The following SIRT4 variants were observed in gnomAD, a reference collection of about 807,000 sequenced individuals.
The protein encoded by SIRT4 is sirtuin 4.
SIRT4 carries 23 observed loss-of-function variants against 26.1 expected under a neutral mutation model. The observed-to-expected ratio is 0.88, with a 90% CI of 0.63 to 1.25. The LOEUF is 1.25. SIRT4 is among the 50% of genes most tolerant of loss of function. The pLI is 0.00. For synonymous variants in SIRT4, 155 were observed against 158.4 expected, an observed-to-expected ratio of 0.98 and a Z score of 0.16; for missense variants, 361 against 405.4, an observed-to-expected ratio of 0.89 and a Z score of 0.94.
chr12:120,307,782 C>G (rs1463298378), intron 2 of SIRT4, among the ~76,000 whole-genome samples: 2 of 150,598 alleles, frequency 1.3e-5, no homozygotes. Flanking sequence ...CATTTGAACC[C>G]GGGAGGCAGA....
chr12:120,311,390 A>G (rs1346353070), intron 2 of SIRT4, among the ~76,000 whole-genome samples: 2 of 151,164 alleles, frequency 1.3e-5, no homozygotes, highest in Non-Finnish European at 2.9e-5. Flanking sequence ...AAATAAAAAC[A>G]GACACAAAGT....
chr12:120,304,491 A>C (rs1872664486), intron 2 of SIRT4, among the ~76,000 whole-genome samples: 1 of 151,882 alleles, frequency 6.6e-6, no homozygotes, highest in South Asian at 2.1e-4. Flanking sequence ...TTCTACTAAA[A>C]ATACAAAAAT....
At chr12:120,293,066 G>GC in the SIRT4 span, 3 of 124,598 alleles carry the variant, frequency 2.4e-5, no homozygotes, top group Non-Finnish European at 5.2e-5. Context: ...CACAAAAAAA[G>GC]CCTCTGTTGT....
upstream of SIRT4, among the ~76,000 whole-genome samples, chr12:120,298,918 A>AATAAATAAATAT: frequency 1.4e-5 from 2 of 143,188 alleles, 1 homozygote; most frequent in East Asian, 4.1e-4. Flanking sequence ...AAAATAAATA[A>AATAAATAAATAT]ATAAATAAAT....
the SIRT4 span, among the ~76,000 whole-genome samples, chr12:120,295,770 C>T: frequency 6.6e-6 from 1 of 151,740 alleles, no homozygotes; most frequent in Non-Finnish European, 1.5e-5. Context: ...TAGAAACCTA[C>T]ATCTGGTCTA....
At chr12:120,301,878 A>G (rs1872561962), upstream of SIRT4, among the ~76,000 whole-genome samples, 1 of 152,140 alleles carries the variant, frequency 6.6e-6, no homozygotes, top group Non-Finnish European at 1.5e-5. Flanking sequence ...GTTCAAGACG[A>G]GCCTGGCCAA....
At chr12:120,292,862 A>C in the SIRT4 span, among the ~76,000 whole-genome samples, 428 of 152,322 alleles carry the variant, frequency 2.8e-3, 15 homozygotes, top group East Asian at 0.075. Flanking sequence ...AGAAAAGTCA[A>C]CACCGCCCTG....
chr12:120,301,963 G>T (rs188112865), upstream of SIRT4, among the ~76,000 whole-genome samples: 1 of 149,604 alleles, frequency 6.7e-6, no homozygotes, highest in Non-Finnish European at 1.5e-5. Flanking sequence ...CAGGAGAATC[G>T]GTTGAACCCG....
At chr12:120,297,657 G>C (rs1872381024), upstream of SIRT4, among the ~76,000 whole-genome samples, 1 of 152,148 alleles carries the variant, frequency 6.6e-6, no homozygotes, top group Admixed American at 6.6e-5. Context: ...CTTTTCCTCA[G>C]AGCATGAGAT....
Position 120,305,880 on chromosome 12 carries a change from C to T in SIRT4, c.497+1822C>T, listed in dbSNP as rs530851765. On this transcript the variant is annotated intron_variant, in intron 2 of 3. Coordinates refer to ENST00000202967, the MANE Select transcript of SIRT4 (RefSeq NM_012240.3). ...ACAAAAAATTAGCTGGGCGCGGTGG[C>T]GGACGCCTGTAGTCCCAGCTACTCG... 9.9e-5 allele frequency among the ~76,000 whole-genome samples: 15 copies of T among 152,042 alleles called. No homozygotes were observed. The East Asian group carries it at 2.3e-3, about 24-fold the overall frequency.
At chr12:120,312,382 G>C in intron 2 of SIRT4, 74 bp from the exon 3 acceptor site, 1 of 1,394,952 alleles carries the variant, frequency 7.2e-7, no homozygotes, top group Non-Finnish European at 9.8e-7. Context: ...GAAAATGGTT[G>C]GAGATGAAAC....
At chr12:120,308,105 C>T (rs1156739579) in intron 2 of SIRT4, among the ~76,000 whole-genome samples, 2 of 151,392 alleles carry the variant, frequency 1.3e-5, no homozygotes, top group East Asian at 3.9e-4. Flanking sequence ...CCTCCTCCTG[C>T]CTTGATCTTC....
upstream of SIRT4, among the ~76,000 whole-genome samples, chr12:120,301,090 T>C (rs2136824703): frequency 6.6e-6 from 1 of 152,360 alleles, no homozygotes. Flanking sequence ...CTTACGCCTG[T>C]AATCCCAGTA....
At chr12:120,303,480 A>G (rs1206458055) in intron 1 of SIRT4, 81 bp from the exon 2 acceptor site, 20 of 1,489,124 alleles carry the variant, frequency 1.3e-5, no homozygotes, top group Non-Finnish European at 1.7e-5. Context: ...GTCTCAAAAA[A>G]CAAAACGAAA....
chr12:120,303,251 G>A (rs1393785137), intron 1 of SIRT4, among the ~76,000 whole-genome samples: 1 of 151,730 alleles, frequency 6.6e-6, no homozygotes, highest in African/African-American at 2.4e-5. Flanking sequence ...AGGCCGAGGC[G>A]GGCAGATCAC....
chr12:120,292,872 GCTTTTA>G, the SIRT4 span, among the ~76,000 whole-genome samples: 1 of 152,164 alleles, frequency 6.6e-6, no homozygotes, highest in Non-Finnish European at 1.5e-5. Flanking sequence ...ACACCGCCCT[GCTTTTA>G]CCTTAAAAGT....
At chr12:120,307,150 C>G (rs1426010102) in intron 2 of SIRT4, among the ~76,000 whole-genome samples, 2 of 152,180 alleles carry the variant, frequency 1.3e-5, no homozygotes, top group African/African-American at 4.8e-5. Flanking sequence ...ATACGTTACA[C>G]TATGTAGTAC....
the SIRT4 span, chr12:120,293,194 T>C: frequency 2.6e-5 from 4 of 152,314 alleles, no homozygotes; most frequent in African/African-American, 7.2e-5. Flanking sequence ...TAATCGCGCC[T>C]CGGATAGACC....
intron 2 of SIRT4, among the ~76,000 whole-genome samples, chr12:120,305,166 CAAAAAGAAAAAAA>C (rs1872703978): frequency 6.9e-6 from 1 of 144,598 alleles, no homozygotes; most frequent in East Asian, 2.0e-4. Flanking sequence ...AACTCCGTCT[CAAAAAGAAAAAAA>C]AAAAAGAAAG....
Sources: gnomAD v4.1 joint callset for allele counts (sites outside exome capture counted in the v4.1 genomes callset) on GRCh38, gnomAD v4.1.1 for gene constraint, MANE v1.5 for transcripts, NCBI Gene and HGNC (gene_info 2026-07-23, HGNC 2026-07-21) for gene names.